Variants in NTF3 observed in about 807,000 individuals in gnomAD.
The protein encoded by NTF3 is neurotrophin-3.
Under a neutral mutation model 26.3 loss-of-function variants are expected in NTF3, and 8 were observed. The observed-to-expected ratio is 0.30, with a 90% CI of 0.18 to 0.55. NTF3 has a LOEUF of 0.55. NTF3 is among the 20% of genes least tolerant of loss of function. The pLI is 0.93. For missense variants in NTF3, 276 were observed against 352.9 expected, an observed-to-expected ratio of 0.78 and a Z score of 1.75; for synonymous variants, 154 against 145.5, an observed-to-expected ratio of 1.06 and a Z score of -0.42.
At chr12:5,472,704 A>G (rs1344690302) in intron 1 of NTF3, among the ~76,000 whole-genome samples, 2 of 152,100 alleles carry the variant, frequency 1.3e-5, no homozygotes, top group Non-Finnish European at 2.9e-5. Flanking sequence ...CTCATTTGCA[A>G]CTGTCTTCTC....
chr12:5,464,147 C>T (rs967457486), intron 1 of NTF3, among the ~76,000 whole-genome samples: 1 of 152,114 alleles, frequency 6.6e-6, no homozygotes, highest in Non-Finnish European at 1.5e-5. Flanking sequence ...TCTGAGAGGC[C>T]CCAACAGATT....
rs149818967 is a variant in NTF3, at chr12:5,462,489, T to C, written c.18+30147T>C. On this transcript the variant is annotated intron_variant, in intron 1 of 1. Transcript: ENST00000423158. ...GTAAGATAATATATAACATGTAAGATAATTTGTGTGATGGTTCCTAGAATA... is the reference window on the plus strand; with the variant it reads ...GTAAGATAATATATAACATGTAAGACAATTTGTGTGATGGTTCCTAGAATA... 8.6e-4 allele frequency among the ~76,000 whole-genome samples: 131 copies of C among 152,278 alleles called. 3 individuals are homozygous for C. The East Asian group carries it at 0.023, about 27-fold the overall frequency.
rs10527557 is a variant in NTF3 at position 5,486,880 on chromosome 12, G to GGTGTGT, written c.19-7279_19-7274dup. ...CCATCCTCACCTCAGGTAGTTACGT[G>GGTGTGT]GTGTGTGTGTGTGTGTGTGTGTGTG... On this transcript the variant is annotated intron_variant, in intron 1 of 1. Transcript: ENST00000423158. Among the ~76,000 whole-genome samples, 638 of 148,802 alleles carry GGTGTGT rather than the reference G, an allele frequency of 4.3e-3. 4 individuals are homozygous for GGTGTGT. Among genetic ancestry groups the GGTGTGT allele is most frequent in the Middle Eastern group, 0.01 (3 of 290 alleles).
At position 5,468,961 on chromosome 12, in the gene NTF3, A is replaced by C. The variant is rs1026813278; in HGVS notation, c.19-25233A>C. ...CATGGCAAAACCCCATCTTCATTAA[A>C]AATAGAAACATTAGCCTGGCTTGGG... On this transcript the variant is annotated intron_variant, in intron 1 of 1. Coordinates refer to ENST00000423158, the MANE Select transcript of NTF3 (RefSeq NM_001102654.2). 4.2e-4 allele frequency among the ~76,000 whole-genome samples: 64 copies of C among 152,198 alleles called. 1 individual carries two copies. Among genetic ancestry groups the C allele is most frequent in the African/African-American group, 1.5e-3 (63 of 41,452 alleles).
intron 1 of NTF3, among the ~76,000 whole-genome samples, chr12:5,493,018 G>T (rs1940958177): frequency 6.6e-6 from 1 of 152,186 alleles, no homozygotes; most frequent in South Asian, 2.1e-4. Context: ...ACCCCCCTGG[G>T]AGCCAGTGAG....
At chr12:5,492,813 C>T (rs1940954423) in intron 1 of NTF3, among the ~76,000 whole-genome samples, 1 of 152,162 alleles carries the variant, frequency 6.6e-6, no homozygotes, top group Non-Finnish European at 1.5e-5. Flanking sequence ...GTCCTGGGAG[C>T]GAGTGAGCAC....
At chr12:5,455,765 G>C (rs1391342659) in intron 1 of NTF3, among the ~76,000 whole-genome samples, 1 of 152,180 alleles carries the variant, frequency 6.6e-6, no homozygotes, top group East Asian at 1.9e-4. Flanking sequence ...AGCTGATCGG[G>C]AACATGTTGC....
At position 5,432,243 on chromosome 12, in the gene NTF3, G is replaced by A; in HGVS notation, c.-82G>A. On this transcript the variant is annotated 5_prime_UTR_variant, in exon 1 of 2. Coordinates refer to ENST00000423158, the MANE Select transcript of NTF3 (RefSeq NM_001102654.2). ...CCCTGCTGGGTAGTGGCTGCGGCGGGGTGGGGGAGACTTTGAATGACCGAG... is the reference window on the plus strand; with the variant it reads ...CCCTGCTGGGTAGTGGCTGCGGCGGAGTGGGGGAGACTTTGAATGACCGAG... The A allele has an allele frequency of 1.4e-6, 2 of 1,464,470 alleles. No homozygotes were observed. Among genetic ancestry groups the A allele is most frequent in the South Asian group, 1.1e-5 (1 of 87,936 alleles). The allele number at this position is 1,464,470 out of a possible 1,614,324, so 90.7% of individuals were successfully genotyped here.
At chr12:5,491,199 G>GGTT (rs1940931925) in intron 1 of NTF3, among the ~76,000 whole-genome samples, 1 of 152,206 alleles carries the variant, frequency 6.6e-6, no homozygotes, top group African/African-American at 2.4e-5. Context: ...TAAATGAGGA[G>GGTT]GTTGTCTAGG....
At chr12:5,470,007 C>T (rs1290729885) in intron 1 of NTF3, among the ~76,000 whole-genome samples, 2 of 152,212 alleles carry the variant, frequency 1.3e-5, no homozygotes, top group African/African-American at 2.4e-5. Context: ...TCACTGCAAG[C>T]TCCGCCTCCC....
At chr12:5,469,016 G>T (rs983538557) in intron 1 of NTF3, among the ~76,000 whole-genome samples, 4 of 152,106 alleles carry the variant, frequency 2.6e-5, no homozygotes, top group African/African-American at 9.7e-5. Context: ...AGCTACTGGG[G>T]AGGCTGAGGT....
At chr12:5,482,002 T>G (rs1356222555) in intron 1 of NTF3, among the ~76,000 whole-genome samples, 4 of 151,182 alleles carry the variant, frequency 2.6e-5, no homozygotes, top group Non-Finnish European at 5.9e-5. Context: ...CATACATGCA[T>G]GCATACACAC....
intron 1 of NTF3, among the ~76,000 whole-genome samples, chr12:5,482,267 T>G (rs1591605952): frequency 6.6e-6 from 1 of 152,120 alleles, no homozygotes; most frequent in African/African-American, 2.4e-5. Context: ...TTGGCCAGGG[T>G]GCCAGGCACT....
rs1057490370 is a variant in NTF3 at position 5,477,626 on chromosome 12, G to A, written c.19-16568G>A. On this transcript the variant is annotated intron_variant, in intron 1 of 1. Transcript: ENST00000423158. ...TTGCAGGGTTCTTAGCACAGTTCTT[G>A]CCAGAGAGTAAGTACTGACAAAGTG... Among the ~76,000 whole-genome samples the A allele has an allele frequency of 6.6e-4, 101 of 152,172 alleles. 1 individual carries two copies. Among genetic ancestry groups the A allele is most frequent in the Non-Finnish European group, 7.8e-4 (53 of 68,024 alleles).
chr12:5,468,701 A>G (rs12369350), intron 1 of NTF3, among the ~76,000 whole-genome samples: 39,729 of 152,144 alleles, frequency 0.26, 6,427 homozygotes, highest in South Asian at 0.38. Flanking sequence ...GCCTGACGCC[A>G]ATGCTGCTCC....
At chr12:5,489,845 C>A (rs1008841494) in intron 1 of NTF3, among the ~76,000 whole-genome samples, 2 of 152,140 alleles carry the variant, frequency 1.3e-5, no homozygotes, top group Non-Finnish European at 2.9e-5. Flanking sequence ...TTCTTGAATA[C>A]CCCCAAACCC....
chr12:5,494,355 G>A lies in NTF3; in HGVS notation c.180G>A (p.Lys60=), dbSNP rs1326532997. 1.2e-6 allele frequency: 2 copies of A among 1,613,926 alleles called. No individual in the cohort carries two copies. Among genetic ancestry groups the A allele is most frequent in the African/African-American group, 2.7e-5 (2 of 74,874 alleles). ...KLIQADILKN[K]LSKQMVDVKE... is the part of the protein sequence containing the mutation. ...TCCAGGCAGATATTTTGAAAAACAA[G>A]CTCTCCAAGCAGATGGTGGACGTTA... is the stretch of plus-strand genomic sequence containing the variant. The change falls in exon 2 of 2, where the codon AAG becomes AAA. Residue 60 remains lysine, a synonymous_variant. Coordinates refer to ENST00000423158, the MANE Select transcript of NTF3 (RefSeq NM_001102654.2). The surrounding 1 kb of genome is among the most constrained non-coding windows in gnomAD (Gnocchi z 8.3).
chr12:5,494,892 A>G lies in NTF3; in HGVS notation c.717A>G (p.Ala239=), dbSNP rs778382634. The change falls in exon 2 of 2, where the codon GCA becomes GCG. Residue 239 remains alanine, a synonymous_variant. Coordinates refer to ENST00000423158, the MANE Select transcript of NTF3 (RefSeq NM_001102654.2). The surrounding 1 kb of genome is among the most constrained non-coding windows in gnomAD (Gnocchi z 8.3). The part of the protein sequence containing the change: ...QCKTSQTYVR[A]LTSENNKLVG... ...AAACATCCCAAACCTACGTCCGAGC[A>G]CTGACTTCAGAGAACAATAAACTCG... The G allele has an allele frequency of 3.2e-5, 51 of 1,614,064 alleles. 1 individual carries two copies. The South Asian group carries it at 5.4e-4, about 17-fold the overall frequency.
intron 1 of NTF3, among the ~76,000 whole-genome samples, chr12:5,451,302 C>T (rs1940370285): frequency 6.6e-6 from 1 of 152,222 alleles, no homozygotes; most frequent in Non-Finnish European, 1.5e-5. Context: ...TAATCTGAAA[C>T]ACAAAGCATT....
Sources: gnomAD v4.1 joint callset for allele counts (sites outside exome capture counted in the v4.1 genomes callset) on GRCh38, gnomAD v4.1.1 for gene constraint, Gnocchi (gnomAD v3.1) non-coding constraint, MANE v1.5 for transcripts, NCBI Gene and HGNC (gene_info 2026-07-23, HGNC 2026-07-21) for gene names.